NTN4: variants seen among roughly 807,000 people sequenced by gnomAD.
The protein encoded by NTN4 is netrin 4.
A neutral mutation model predicts 73.6 loss-of-function variants in NTN4; 32 were observed. That is an observed-to-expected ratio of 0.44 (90% CI 0.33 to 0.58). The LOEUF is 0.58. Among genes scored for constraint, NTN4 ranks in the 20% least tolerant of loss-of-function variants. The probability of loss-of-function intolerance (pLI) is 0.04; values close to 1 mark genes in which losing one functional copy is unlikely to be tolerated. For missense variants in NTN4, 654 were observed against 798.3 expected (o/e 0.82, Z 2.18); for synonymous variants, 258 against 287.5 (o/e 0.90, Z 1.04).
intron 3 of NTN4, among the ~76,000 whole-genome samples, chr12:95,718,253 A>T (rs1428609004): frequency 6.6e-6 from 1 of 152,198 alleles, no homozygotes; most frequent in Non-Finnish European, 1.5e-5. Context: ...CATAACTGGA[A>T]GATACACGGG....
intron 8 of NTN4, 89 bp from the exon 9 acceptor site, chr12:95,666,069 GAAAGGTGAATTGATGATGAGGATGTGAA>G (rs2078177332): frequency 1.0e-6 from 1 of 996,386 alleles, no homozygotes; most frequent in Non-Finnish European, 1.4e-6. Context: ...GAATATAATG[GAAAGGTGAATTGATGATGAGGATGTGAA>G]AATTTGCTTT....
intron 5 of NTN4, among the ~76,000 whole-genome samples, chr12:95,697,398 G>A (rs1035394261): frequency 1.3e-5 from 2 of 152,086 alleles, no homozygotes. Flanking sequence ...GAAAGTTGCT[G>A]TAGTATCCTT....
chr12:95,709,946 G>C (rs1565892181), intron 5 of NTN4, among the ~76,000 whole-genome samples: 1 of 152,186 alleles, frequency 6.6e-6, no homozygotes, highest in African/African-American at 2.4e-5. Flanking sequence ...AATTAGTTAT[G>C]ATAGTGAGGA....
At chr12:95,725,275 A>G (rs922923043) in intron 3 of NTN4, among the ~76,000 whole-genome samples, 2 of 152,118 alleles carry the variant, frequency 1.3e-5, no homozygotes, top group African/African-American at 4.8e-5. Flanking sequence ...CTTATCTGTC[A>G]AGTAGTGTTT....
At chr12:95,676,820 TA>T (rs1179854358) in intron 7 of NTN4, among the ~76,000 whole-genome samples, 1 of 151,834 alleles carries the variant, frequency 6.6e-6, no homozygotes, top group East Asian at 1.9e-4. Context: ...TATAAGACAA[TA>T]AGAAAAAAGG....
At chr12:95,727,747 T>C (rs1295414910) in intron 3 of NTN4, among the ~76,000 whole-genome samples, 1 of 152,190 alleles carries the variant, frequency 6.6e-6, no homozygotes, top group Non-Finnish European at 1.5e-5. Flanking sequence ...TCTCCAACTT[T>C]GCTGTTCTTC....
chr12:95,713,162 G>A, intron 4 of NTN4, 50 bp downstream of exon 4: 2 of 1,588,604 alleles, frequency 1.3e-6, no homozygotes, highest in Non-Finnish European at 1.7e-6. Context: ...GTCCACAGAT[G>A]CGTTGACTTT....
Position 95,665,318 on chromosome 12 carries a change from A to G in NTN4, c.1750+492T>C, listed in dbSNP as rs148812921. Among the ~76,000 whole-genome samples, 105 of 152,322 alleles carry G rather than the reference A, an allele frequency of 6.9e-4. 1 individual carries two copies. Among genetic ancestry groups the G allele is most frequent in the Non-Finnish European group, 9.7e-4 (66 of 68,022 alleles). On this transcript the variant is annotated intron_variant, in intron 9 of 9. Transcript: ENST00000343702. ...TTTCTAATTTGAAACCAGAAATATC[A>G]TTTCATGAAAAACAAGATGATGAGA...
At chr12:95,754,579 C>G (rs1421803698) in intron 2 of NTN4, among the ~76,000 whole-genome samples, 1 of 152,222 alleles carries the variant, frequency 6.6e-6, no homozygotes, top group Non-Finnish European at 1.5e-5. Context: ...CCCGCCTTAA[C>G]TGATGACATT....
At chr12:95,699,822 G>A (rs1425473170) in intron 5 of NTN4, among the ~76,000 whole-genome samples, 1 of 152,102 alleles carries the variant, frequency 6.6e-6, no homozygotes, top group Non-Finnish European at 1.5e-5. Context: ...GCCCATCAGG[G>A]AGGAAGGAAG....
At chr12:95,683,356 C>T (rs1203492636) in intron 6 of NTN4, 142 bp downstream of exon 6, 5 of 799,426 alleles carry the variant, frequency 6.3e-6, no homozygotes, top group Middle Eastern at 3.8e-4. Flanking sequence ...GCCACCACGC[C>T]CAGCCTGACA....
intron 3 of NTN4, among the ~76,000 whole-genome samples, chr12:95,729,595 T>G (rs2078721291): frequency 6.6e-6 from 1 of 151,544 alleles, no homozygotes; most frequent in African/African-American, 2.4e-5. Context: ...TTTTTTTCCA[T>G]CTTCTGGAAT....
intron 2 of NTN4, among the ~76,000 whole-genome samples, chr12:95,752,637 G>A (rs1156376220): frequency 2.6e-5 from 4 of 151,818 alleles, no homozygotes; most frequent in African/African-American, 9.7e-5. Flanking sequence ...CCTGCCAATC[G>A]TGTCCGACTG....
chr12:95,721,229 G>A (rs1185241285), intron 3 of NTN4, among the ~76,000 whole-genome samples: 1 of 152,166 alleles, frequency 6.6e-6, no homozygotes, highest in African/African-American at 2.4e-5. Flanking sequence ...GAGCTGTCCA[G>A]GACAGAGTCG....
Position 95,738,089 on chromosome 12 carries a change from T to C in NTN4, c.641A>G (p.Lys214Arg). Residue 214 changes from lysine to arginine, a missense_variant, in exon 3 of 10, where the codon AAA (lysine) becomes AGA (arginine). Lys to Arg is a conservative substitution (Grantham distance 26, BLOSUM62 2). Transcript: ENST00000343702. Reference protein sequence around the residue: ...PYDTENPYSAKVQEQLKITNL... With the variant: ...PYDTENPYSARVQEQLKITNL... ...GGTGATCTTCAGCTGCTCCTGAACT[T>C]TGGCACTGTAAGGGTTCTCTGTATC... 1 of 1,614,140 alleles carries C rather than the reference T, an allele frequency of 6.2e-7. No homozygotes were observed. The highest frequency in any genetic ancestry group is 8.5e-7 in the Non-Finnish European group (1 of 1,179,986).
chr12:95,761,582 C>G (rs1348557886), intron 2 of NTN4, among the ~76,000 whole-genome samples: 1 of 152,144 alleles, frequency 6.6e-6, no homozygotes, highest in African/African-American at 2.4e-5. Flanking sequence ...ATCTGCCCAC[C>G]TTGGCCTCCC....
intron 2 of NTN4, among the ~76,000 whole-genome samples, chr12:95,755,553 T>C (rs2078941894): frequency 1.3e-5 from 2 of 152,226 alleles, no homozygotes; most frequent in African/African-American, 4.8e-5. Flanking sequence ...CAAAATCCTT[T>C]TGCTTATACT....
rs563908981 is a variant in NTN4, at chr12:95,712,624, CAG to C, written c.991+586_991+587del. ...ATGTATTTATTTATTTATTTAGAGA[CAG>C]AGTTTCCCTCTGTCACCCAGGCTGG... On this transcript the variant is annotated intron_variant, in intron 4 of 9. Coordinates refer to ENST00000343702, the MANE Select transcript of NTN4 (RefSeq NM_021229.4). Among the ~76,000 whole-genome samples the C allele has an allele frequency of 3.9e-4, 59 of 152,046 alleles. No homozygotes were observed. In the South Asian group the frequency reaches 0.011, roughly 29 times the overall value.
intron 2 of NTN4, among the ~76,000 whole-genome samples, chr12:95,764,927 C>G (rs922603435): frequency 3.3e-5 from 5 of 152,204 alleles, no homozygotes; most frequent in African/African-American, 1.2e-4. Flanking sequence ...GAGTGCCTAT[C>G]CCTAATAAAA....
Sources: gnomAD v4.1 joint callset for allele counts (sites outside exome capture counted in the v4.1 genomes callset) on GRCh38, gnomAD v4.1.1 for gene constraint, MANE v1.5 for transcripts, NCBI Gene and HGNC (gene_info 2026-07-23, HGNC 2026-07-21) for gene names.